Variants in NOS1 observed in about 807,000 individuals in gnomAD.
NOS1 encodes the protein NOS type I.
A neutral mutation model predicts 164.5 loss-of-function variants in NOS1; 51 were observed. The observed-to-expected ratio is 0.31, with a 90% CI of 0.25 to 0.39. The LOEUF is 0.39. NOS1 is among the 10% of genes least tolerant of loss of function. The pLI is 1.00. For synonymous variants in NOS1, 719 were observed against 745.8 expected (o/e 0.96, Z 0.59); for missense variants, 1,362 against 1,885.6 (o/e 0.72, Z 5.14).
intron 7 of NOS1, among the ~76,000 whole-genome samples, chr12:117,281,795 A>G (rs1873693685): frequency 6.9e-6 from 1 of 145,966 alleles, no homozygotes; most frequent in Non-Finnish European, 1.5e-5. Flanking sequence ...ACACCACTGC[A>G]CTCCAGCCTG....
chr12:117,330,536 C>G lies in NOS1; in HGVS notation c.534G>C (p.Leu178=). ...EAGSLPHANG[L]APRPPGQDPA... ...GGTCCTGGCCTGGGGGCCTGGGGGCCAGGCCGTTGGCATGGGGGAGTGAGC... is the reference window on the plus strand; with the variant it reads ...GGTCCTGGCCTGGGGGCCTGGGGGCGAGGCCGTTGGCATGGGGGAGTGAGC... The change falls in exon 2 of 29, where the codon CTG becomes CTC. Residue 178 remains leucine, a synonymous_variant. Transcript: ENST00000317775. This position sits in a 1 kb window ranked among gnomAD's most constrained non-coding sequence, Gnocchi z 4.6. The G allele has an allele frequency of 1.9e-6, 3 of 1,613,822 alleles. No homozygotes were observed. The highest frequency in any genetic ancestry group is 2.5e-6 in the Non-Finnish European group (3 of 1,180,004).
chr12:117,290,980 A>G (rs1399383675), intron 3 of NOS1, among the ~76,000 whole-genome samples: 1 of 152,170 alleles, frequency 6.6e-6, no homozygotes, highest in Non-Finnish European at 1.5e-5. Context: ...TGGGAGCCCG[A>G]GGTGGGCGGA....
At chr12:117,361,246 C>A in intron 1 of NOS1, among the ~76,000 whole-genome samples, 1 of 152,058 alleles carries the variant, frequency 6.6e-6, no homozygotes, top group Middle Eastern at 3.2e-3. Flanking sequence ...GTTCTGAATC[C>A]TCCGAGTCCG....
In NOS1 at chr12:117,212,073, A is replaced by C; in HGVS notation, c.*3236T>G. On this transcript the variant is annotated 3_prime_UTR_variant, in exon 29 of 29. Coordinates refer to ENST00000317775, the MANE Select transcript of NOS1 (RefSeq NM_000620.5). ...AGAGCAAGACTCTGTCAAAAAAAAA[A>C]ATAGATTCTAACCTTCTGCACGAGA... The C allele has an allele frequency of 5.3e-6, 5 of 948,646 alleles. No individual in the cohort carries two copies. Among genetic ancestry groups the C allele is most frequent in the Non-Finnish European group, 6.2e-6 (5 of 804,988 alleles). The allele number at this position is 948,646 out of a possible 1,614,324, so 58.8% of individuals were successfully genotyped here. A position where few individuals can be genotyped will look rare whatever the true frequency, so the allele number is the denominator to read the frequency against.
intron 14 of NOS1, among the ~76,000 whole-genome samples, chr12:117,260,118 C>CA (rs60261967): frequency 0.024 from 2,831 of 115,630 alleles, 54 homozygotes; most frequent in African/African-American, 0.066. Context: ...AACTCCTTCT[C>CA]AAAAAAAAAA....
chr12:117,348,837 A>G (rs1168706857), intron 1 of NOS1, among the ~76,000 whole-genome samples: 2 of 152,240 alleles, frequency 1.3e-5, no homozygotes, highest in African/African-American at 4.8e-5. Context: ...GGAGGCAGAG[A>G]GAAATCAGCG....
intron 2 of NOS1, among the ~76,000 whole-genome samples, chr12:117,320,488 AAG>A (rs1237604520): frequency 6.6e-6 from 1 of 152,216 alleles, no homozygotes; most frequent in Non-Finnish European, 1.5e-5. Context: ...TCCAGGAAAG[AAG>A]ACAGTCCTGC....
At chr12:117,255,279 G>A (rs1443482466) in intron 16 of NOS1, among the ~76,000 whole-genome samples, 14 of 151,558 alleles carry the variant, frequency 9.2e-5, no homozygotes, top group Admixed American at 9.2e-4. Flanking sequence ...AAAGCAAACA[G>A]AAACAAACAA....
chr12:117,361,215 C>G (rs1284815736), intron 1 of NOS1, among the ~76,000 whole-genome samples: 1 of 151,940 alleles, frequency 6.6e-6, no homozygotes, highest in African/African-American at 2.4e-5. Context: ...CTCCCGGGCG[C>G]CCGCGGCCGC....
chr12:117,221,083 C>G (rs540583298), intron 26 of NOS1, among the ~76,000 whole-genome samples: 1 of 152,002 alleles, frequency 6.6e-6, no homozygotes, highest in Non-Finnish European at 1.5e-5. Flanking sequence ...TTCTGTGGCC[C>G]GTGTCCATTC....
chr12:117,331,128 G>A lies in NOS1; in HGVS notation c.-59C>T. ...CCTCACAATGCTATCAGGCCAAGAT[G>A]ATTTCACCAGGAGGATCCAGGCTTC... is the stretch of plus-strand genomic sequence containing the variant. On this transcript the variant is annotated 5_prime_UTR_variant, in exon 2 of 29. Coordinates refer to ENST00000317775, the MANE Select transcript of NOS1 (RefSeq NM_000620.5). The A allele has an allele frequency of 6.4e-7, 1 of 1,551,096 alleles. No individual in the cohort carries two copies. The highest frequency in any genetic ancestry group is 8.7e-7 in the Non-Finnish European group (1 of 1,145,348).
intron 2 of NOS1, among the ~76,000 whole-genome samples, chr12:117,319,243 G>T (rs1002153967): frequency 3.9e-5 from 6 of 152,112 alleles, no homozygotes; most frequent in African/African-American, 1.4e-4. Flanking sequence ...TGTAGAGATG[G>T]GGTCTTGCTC....
At chr12:117,220,829 C>T (rs1956691708) in intron 26 of NOS1, among the ~76,000 whole-genome samples, 1 of 152,132 alleles carries the variant, frequency 6.6e-6, no homozygotes, top group African/African-American at 2.4e-5. Context: ...CAAGGCGTGT[C>T]CAGTACAGCT....
chr12:117,227,488 C>A lies in NOS1; in HGVS notation c.3559G>T (p.Asp1187Tyr). The A allele has an allele frequency of 6.2e-7, 1 of 1,613,284 alleles. No homozygotes were observed. The highest frequency in any genetic ancestry group is 8.5e-7 in the Non-Finnish European group (1 of 1,179,656). ...PRYYSISSSP[D>Y]MYPDEVHLTV... ...AGGTGCACTTCATCAGGGTACATGTCTGGGGAGGAGCTGATGGAATAGTAG... is the reference window on the plus strand; with the variant it reads ...AGGTGCACTTCATCAGGGTACATGTATGGGGAGGAGCTGATGGAATAGTAG... The change falls in exon 23 of 29, where the codon GAC becomes TAC. Residue 1187 changes from aspartate to tyrosine, a missense_variant. Transcript: ENST00000317775.
intron 26 of NOS1, 146 bp downstream of exon 26, chr12:117,222,569 C>T: frequency 1.3e-6 from 1 of 744,844 alleles, no homozygotes; most frequent in East Asian, 2.6e-5. Flanking sequence ...AGATATTTTC[C>T]CTACCCATGC....
intron 10 of NOS1, among the ~76,000 whole-genome samples, chr12:117,271,886 T>C (rs926344382): frequency 6.6e-6 from 1 of 152,216 alleles, no homozygotes; most frequent in Admixed American, 6.5e-5. Context: ...GGGGAACCAC[T>C]GCCAACCCTC....
intron 3 of NOS1, among the ~76,000 whole-genome samples, chr12:117,295,722 T>A (rs1873370403): frequency 6.7e-6 from 1 of 148,954 alleles, no homozygotes; most frequent in African/African-American, 2.5e-5. Flanking sequence ...CTGGGTTAAG[T>A]GATTCTCCTG....
At position 117,225,013 on chromosome 12, in the gene NOS1, C is replaced by T. The variant is rs1402072781; in HGVS notation, c.3826+3G>A. On this transcript the variant is annotated splice_donor_region_variant and intron_variant, in intron 25 of 28. Transcript: ENST00000317775. ...ACCAAGTGGCCACTGGACTGTAACC[C>T]ACCTTTGTGTTGGATATCAAATTGC... 6 of 1,614,138 alleles carry T rather than the reference C, an allele frequency of 3.7e-6. No individual in the cohort carries two copies. Among genetic ancestry groups the T allele is most frequent in the Non-Finnish European group, 5.1e-6 (6 of 1,179,996 alleles).
intron 3 of NOS1, 60 bp from the exon 4 acceptor site, chr12:117,290,486 C>G: frequency 1.3e-6 from 2 of 1,551,684 alleles, no homozygotes; most frequent in Non-Finnish European, 1.7e-6. Flanking sequence ...GTAACATTGT[C>G]TCCACAGAGG....
Sources: gnomAD v4.1 joint callset for allele counts (sites outside exome capture counted in the v4.1 genomes callset) on GRCh38, gnomAD v4.1.1 for gene constraint, Gnocchi (gnomAD v3.1) non-coding constraint, MANE v1.5 for transcripts, NCBI Gene and HGNC (gene_info 2026-07-23, HGNC 2026-07-21) for gene names.